Variants in SEC61A1 observed in about 807,000 individuals in gnomAD.
SEC61A1 encodes the protein SEC61 translocon subunit alpha 1, also known as protein transport protein Sec61 subunit alpha isoform 1.
In SEC61A1, 15 loss-of-function variants were observed where a neutral mutation model predicts 55.2. The observed-to-expected ratio is 0.27, with a 90% CI of 0.18 to 0.42. SEC61A1 has a LOEUF of 0.42. Ranked by LOEUF, SEC61A1 falls within the 10% of genes least tolerant of loss-of-function variation. The probability of loss-of-function intolerance (pLI) is 1.00; values close to 1 mark genes in which losing one functional copy is unlikely to be tolerated. For synonymous variants in SEC61A1, 247 were observed against 234.0 expected (o/e 1.06, Z -0.51); for missense variants, 284 against 602.6 (o/e 0.47, Z 5.53).
intron 8 of SEC61A1, among the ~76,000 whole-genome samples, chr3:128,066,066 C>T (rs1039961074): frequency 6.6e-6 from 1 of 152,076 alleles, no homozygotes; most frequent in African/African-American, 2.4e-5. Flanking sequence ...TTTAAATCCT[C>T]TGTATTCCGA....
At chr3:128,060,785 C>G (rs1941840057) in intron 7 of SEC61A1, 124 bp downstream of exon 7, 2 of 1,036,726 alleles carry the variant, frequency 1.9e-6, no homozygotes, top group Non-Finnish European at 2.7e-6. Flanking sequence ...TTTATCTCTT[C>G]TGGTGTTTGG....
Position 128,071,569 on chromosome 3 carries a change from G to A in SEC61A1, c.*1907G>A, listed in dbSNP as rs983719418. 1 of 152,734 alleles carries A rather than the reference G, an allele frequency of 6.5e-6. No homozygotes were observed. The highest frequency in any genetic ancestry group is 2.4e-5 in the African/African-American group (1 of 41,480). The allele number at this position is 152,734 out of a possible 1,614,324, so 9.5% of individuals were successfully genotyped here. ...CTCACGCCCTGTGGGTGATGGTCAC[G>A]GTGGGTGGGTGGGGGCTGACCCCAG... is the stretch of plus-strand genomic sequence containing the variant. On this transcript the variant is annotated 3_prime_UTR_variant, in exon 12 of 12. Transcript: ENST00000243253.
At chr3:128,051,985 C>T (rs964115849), upstream of SEC61A1, 21 of 1,142,310 alleles carry the variant, frequency 1.8e-5, no homozygotes, top group African/African-American at 9.2e-5. Context: ...CCGCGGTAGA[C>T]GCTGGGATAA....
chr3:128,055,766 C>CT lies in SEC61A1; in HGVS notation c.220+16dup. The CT allele has an allele frequency of 1.2e-6, 2 of 1,600,926 alleles. No homozygotes were observed. Among genetic ancestry groups the CT allele is most frequent in the Non-Finnish European group, 1.7e-6 (2 of 1,167,904 alleles). On this transcript the variant is annotated intron_variant, in intron 4 of 11. Coordinates refer to ENST00000243253, the MANE Select transcript of SEC61A1 (RefSeq NM_013336.4). ...CTCTAACAGAGGTAGGACTCTGGCTCTGTCTTTTCTCTGTAGAGTGTAGGC... is the reference window on the plus strand; with the variant it reads ...CTCTAACAGAGGTAGGACTCTGGCTCTTGTCTTTTCTCTGTAGAGTGTAGGC...
chr3:128,063,759 G>T (rs767236669), intron 7 of SEC61A1, among the ~76,000 whole-genome samples: 1 of 152,186 alleles, frequency 6.6e-6, no homozygotes, highest in African/African-American at 2.4e-5. Context: ...GAGTTGCCAG[G>T]CTTCCATTAT....
intron 7 of SEC61A1, among the ~76,000 whole-genome samples, chr3:128,061,152 C>T (rs1049670021): frequency 6.6e-6 from 1 of 152,200 alleles, no homozygotes; most frequent in Admixed American, 6.5e-5. Flanking sequence ...TTAGCACCTG[C>T]GTTCAAATCC....
chr3:128,065,161 T>G, intron 8 of SEC61A1, 124 bp downstream of exon 8: 1 of 1,098,900 alleles, frequency 9.1e-7, no homozygotes, highest in Non-Finnish European at 1.4e-6. Context: ...GATGAGATGG[T>G]ATTTGAAGGC....
chr3:128,065,356 AC>A, intron 8 of SEC61A1: 1 of 580,362 alleles, frequency 1.7e-6, no homozygotes, highest in Non-Finnish European at 3.0e-6. Flanking sequence ...TAGCTCTGAA[AC>A]CTCATTGCTC....
chr3:128,069,811 A>G lies in SEC61A1; in HGVS notation c.*149A>G, dbSNP rs979074409. Reference sequence around the variant, plus strand: ...CATTCCACTGTGTAAAGTGCTAGACATTTTCCAATTTAAAATTTTGCTTTT... The same window carrying G: ...CATTCCACTGTGTAAAGTGCTAGACGTTTTCCAATTTAAAATTTTGCTTTT... On this transcript the variant is annotated 3_prime_UTR_variant, in exon 12 of 12. Coordinates refer to ENST00000243253, the MANE Select transcript of SEC61A1 (RefSeq NM_013336.4). 2 of 727,344 alleles carry G rather than the reference A, an allele frequency of 2.7e-6. No individual in the cohort carries two copies. Among genetic ancestry groups the G allele is most frequent in the Non-Finnish European group, 4.4e-6 (2 of 459,310 alleles). 45.1% of individuals were successfully genotyped at this position (727,344 alleles called of 1,614,324 possible).
rs1299499911 is a variant in SEC61A1, at chr3:128,056,752, C to A, written c.264C>A (p.Gly88=). Residue 88 remains glycine, a synonymous_variant, in exon 5 of 12, where the codon GGC becomes GGA. Transcript: ENST00000243253. ...GGATCTCTCCTATTGTCACGTCTGG[C>A]CTTATAATGCAACTCTTGGCTGGCG... The part of the protein sequence containing the change: ...ELGISPIVTS[G]LIMQLLAGAK... The A allele has an allele frequency of 6.2e-7, 1 of 1,609,964 alleles. No homozygotes were observed. Among genetic ancestry groups the A allele is most frequent in the East Asian group, 2.2e-5 (1 of 44,738 alleles).
At chr3:128,051,762 T>C, upstream of SEC61A1, 1 of 1,509,362 alleles carries the variant, frequency 6.6e-7, no homozygotes, top group East Asian at 2.5e-5. Context: ...TGAATTCTTC[T>C]GTGAGGCAGA....
chr3:128,065,131 T>C, intron 8 of SEC61A1, 94 bp downstream of exon 8: 1 of 1,297,208 alleles, frequency 7.7e-7, no homozygotes, highest in Non-Finnish European at 1.1e-6. Flanking sequence ...GGGTGCACTG[T>C]CATCATATTG....
In SEC61A1 at chr3:128,064,955, A is replaced by T; in HGVS notation, c.695A>T (p.Glu232Val). The stretch of plus-strand genomic sequence containing the variant: ...ACAGACAAGGTCCGAGCCCTTCGGG[A>T]GGCGTTCTACCGCCAGAATCTTCCC... ...TRTDKVRALR[E>V]AFYRQNLPNL... is the part of the protein sequence containing the mutation. The change falls in exon 8 of 12, where the codon GAG (glutamate) becomes GTG (valine). Residue 232 changes from glutamate to valine, a missense_variant. Coordinates refer to ENST00000243253, the MANE Select transcript of SEC61A1 (RefSeq NM_013336.4). 1.9e-6 allele frequency: 3 copies of T among 1,614,198 alleles called. No homozygotes were observed. The highest frequency in any genetic ancestry group is 2.5e-6 in the Non-Finnish European group (3 of 1,180,034).
chr3:128,053,739 A>G (rs1322315920), intron 2 of SEC61A1, among the ~76,000 whole-genome samples: 1 of 152,248 alleles, frequency 6.6e-6, no homozygotes, highest in Admixed American at 6.5e-5. Flanking sequence ...GCGAAGGGGC[A>G]TGGCTCTGGA....
intron 5 of SEC61A1, among the ~76,000 whole-genome samples, chr3:128,058,269 C>T (rs1559795173): frequency 8.2e-6 from 1 of 122,482 alleles, no homozygotes; most frequent in Non-Finnish European, 1.6e-5. Flanking sequence ...AGTGCAGTGG[C>T]GTGATCTTGG....
upstream of SEC61A1, chr3:128,052,418 TTG>T (rs1941698567): frequency 8.0e-7 from 1 of 1,243,270 alleles, no homozygotes; most frequent in African/African-American, 1.6e-5. Flanking sequence ...GCCGCGCCGC[TTG>T]CCGCCGGGCT....
chr3:128,053,693 G>T (rs2335772), intron 2 of SEC61A1, among the ~76,000 whole-genome samples: 53,001 of 152,154 alleles, frequency 0.35, 11,262 homozygotes, highest in Non-Finnish European at 0.47. Context: ...TTTAATGGAC[G>T]AATTTGTAAA....
upstream of SEC61A1, chr3:128,051,702 C>G: frequency 6.9e-7 from 1 of 1,448,452 alleles, no homozygotes; most frequent in Non-Finnish European, 9.1e-7. Flanking sequence ...TTCCTTCTCG[C>G]CAGAATCTAT....
At chr3:128,052,992 G>A in intron 2 of SEC61A1, 90 bp downstream of exon 2, 3 of 961,574 alleles carry the variant, frequency 3.1e-6, no homozygotes, top group Non-Finnish European at 3.2e-6. Context: ...GCTTCAGCAC[G>A]GCAATGGAAA....
Sources: gnomAD v4.1 joint callset for allele counts (sites outside exome capture counted in the v4.1 genomes callset) on GRCh38, gnomAD v4.1.1 for gene constraint, MANE v1.5 for transcripts, NCBI Gene and HGNC (gene_info 2026-07-23, HGNC 2026-07-21) for gene names.